The following CCDC178 variants were observed in gnomAD, a reference collection of about 807,000 sequenced individuals.
The protein encoded by CCDC178 is coiled-coil domain containing 178.
Under a neutral mutation model 117.4 loss-of-function variants are expected in CCDC178, and 126 were observed. That is an observed-to-expected ratio of 1.07 (90% confidence interval 0.93 to 1.24). The LOEUF is 1.24. Ranked by LOEUF, CCDC178 falls within the 50% of genes most tolerant of loss-of-function variation. The probability of loss-of-function intolerance (pLI) is 0.00; values close to 1 mark genes in which losing one functional copy is unlikely to be tolerated. For missense variants in CCDC178, 1,030 were observed against 986.9 expected, an observed-to-expected ratio of 1.04 and a Z score of -0.59; for synonymous variants, 283 against 313.4, an observed-to-expected ratio of 0.90 and a Z score of 1.02.
At chr18:33,413,896 G>C (rs990567651) in intron 2 of CCDC178, among the ~76,000 whole-genome samples, 1 of 152,168 alleles carries the variant, frequency 6.6e-6, no homozygotes, top group African/African-American at 2.4e-5. Flanking sequence ...TAAAATCTAT[G>C]AGAAGACTGC....
chr18:33,275,160 T>A (rs1416492152), intron 12 of CCDC178, among the ~76,000 whole-genome samples: 1 of 151,978 alleles, frequency 6.6e-6, no homozygotes, highest in Non-Finnish European at 1.5e-5. Context: ...TAATGTAACC[T>A]TTTTTTACCC....
Position 33,229,171 on chromosome 18 carries a change from C to T in CCDC178, c.1594-2316G>A, listed in dbSNP as rs118113323. On this transcript the variant is annotated intron_variant, in intron 15 of 22. Coordinates refer to ENST00000383096, the MANE Select transcript of CCDC178 (RefSeq NM_001105528.4). ...TGGACAGAAACATAGGCTGAGCTGCCATAGACTCCCAACAACAACCTCGAT... is the reference window on the plus strand; with the variant it reads ...TGGACAGAAACATAGGCTGAGCTGCTATAGACTCCCAACAACAACCTCGAT... Among the ~76,000 whole-genome samples the T allele has an allele frequency of 3.8e-3, 578 of 152,242 alleles. 2 individuals are homozygous for T. Among genetic ancestry groups the T allele is most frequent in the South Asian group, 6.6e-3 (32 of 4,822 alleles).
chr18:33,089,247 TTTAA>T (rs1007646569), intron 21 of CCDC178, among the ~76,000 whole-genome samples: 7 of 152,112 alleles, frequency 4.6e-5, no homozygotes, highest in African/African-American at 7.2e-5. Context: ...TATAGGACTG[TTTAA>T]TTAATGCTAT....
At chr18:33,401,078 T>C (rs1204047341) in intron 3 of CCDC178, among the ~76,000 whole-genome samples, 2 of 152,220 alleles carry the variant, frequency 1.3e-5, no homozygotes, top group African/African-American at 2.4e-5. Context: ...ACATGCAACA[T>C]TGATCGATTA....
intron 14 of CCDC178, among the ~76,000 whole-genome samples, chr18:33,252,804 C>T (rs896459886): frequency 6.6e-6 from 1 of 151,678 alleles, no homozygotes; most frequent in Non-Finnish European, 1.5e-5. Flanking sequence ...TTACCAACCC[C>T]ATCTTTGGCT....
intron 21 of CCDC178, among the ~76,000 whole-genome samples, chr18:32,995,902 AT>A (rs1045023272): frequency 3.8e-5 from 3 of 79,562 alleles, no homozygotes; most frequent in African/African-American, 1.2e-4. Context: ...TGATCCTACA[AT>A]TTTATCTATA....
At chr18:33,415,452 C>T (rs955723835) in intron 2 of CCDC178, among the ~76,000 whole-genome samples, 1 of 141,086 alleles carries the variant, frequency 7.1e-6, no homozygotes, top group Non-Finnish European at 1.5e-5. Context: ...ATCGCAAGGA[C>T]AAAAAAACAA....
At chr18:33,357,963 A>G (rs1343167358) in intron 6 of CCDC178, among the ~76,000 whole-genome samples, 1 of 119,358 alleles carries the variant, frequency 8.4e-6, no homozygotes, top group Non-Finnish European at 1.6e-5. Flanking sequence ...TGCGAACATC[A>G]TAAGAGTATA....
At chr18:33,244,561 C>G (rs537926340) in intron 15 of CCDC178, among the ~76,000 whole-genome samples, 1 of 151,976 alleles carries the variant, frequency 6.6e-6, no homozygotes, top group South Asian at 2.1e-4. Context: ...GGCTCTCTTT[C>G]CTGCCACCCT....
chr18:33,187,399 G>A (rs1406567348), intron 20 of CCDC178, among the ~76,000 whole-genome samples: 1 of 151,980 alleles, frequency 6.6e-6, no homozygotes, highest in Non-Finnish European at 1.5e-5. Context: ...CTCTCCTGAC[G>A]AAGGAAGTTA....
intron 11 of CCDC178, among the ~76,000 whole-genome samples, chr18:33,303,678 TAAA>T (rs1555680881): frequency 3.4e-5 from 5 of 148,620 alleles, no homozygotes; most frequent in Non-Finnish European, 7.4e-5. Flanking sequence ...GTCTAGTTTT[TAAA>T]AAAAAAAAAA....
intron 21 of CCDC178, among the ~76,000 whole-genome samples, chr18:33,067,732 A>G (rs2057041790): frequency 6.6e-6 from 1 of 152,040 alleles, no homozygotes; most frequent in South Asian, 2.1e-4. Context: ...AATCCCAGCT[A>G]CATAGGAGGC....
chr18:33,139,494 C>G (rs190308006), intron 20 of CCDC178, among the ~76,000 whole-genome samples: 36 of 152,194 alleles, frequency 2.4e-4, no homozygotes, highest in Non-Finnish European at 4.0e-4. Flanking sequence ...GAGGTGGTCT[C>G]AGGTGGAGAT....
At chr18:33,081,267 T>C (rs1156627364) in intron 21 of CCDC178, among the ~76,000 whole-genome samples, 2 of 152,222 alleles carry the variant, frequency 1.3e-5, no homozygotes, top group African/African-American at 4.8e-5. Context: ...CATGAAGTCA[T>C]ACACAGCATT....
At chr18:33,045,638 TG>T (rs2056628670) in intron 21 of CCDC178, among the ~76,000 whole-genome samples, 1 of 152,214 alleles carries the variant, frequency 6.6e-6, no homozygotes, top group Non-Finnish European at 1.5e-5. Flanking sequence ...ATAAAGCAAT[TG>T]TATAATAACT....
chr18:33,242,203 G>T lies in CCDC178; in HGVS notation c.1593+3042C>A, dbSNP rs183285413. On this transcript the variant is annotated intron_variant, in intron 15 of 22. Transcript: ENST00000383096. ...TCAATAAATGGTGCTAGGAAAACTG[G>T]ATATCCACCTGCAGAAGAATGAAAC... is the stretch of plus-strand genomic sequence containing the variant. Among the ~76,000 whole-genome samples, 433 of 151,880 alleles carry T rather than the reference G, an allele frequency of 2.9e-3. 2 individuals are homozygous for T. The highest frequency in any genetic ancestry group is 4.5e-3 in the Non-Finnish European group (304 of 67,834).
intron 3 of CCDC178, among the ~76,000 whole-genome samples, chr18:33,406,781 C>T (rs572305428): frequency 2.0e-5 from 3 of 152,074 alleles, no homozygotes; most frequent in South Asian, 4.2e-4. Context: ...AAAGGAGAGG[C>T]CCCCAAAGAA....
chr18:33,195,318 G>A (rs1355015081), intron 20 of CCDC178, among the ~76,000 whole-genome samples: 1 of 151,814 alleles, frequency 6.6e-6, no homozygotes, highest in Non-Finnish European at 1.5e-5. Flanking sequence ...CAACCTCTAG[G>A]GTTTCATGGC....
rs182209974 is a variant in CCDC178 at position 32,997,422 on chromosome 18, T to C, written c.2389-22741A>G. Among the ~76,000 whole-genome samples the C allele has an allele frequency of 1.4e-3, 209 of 152,282 alleles. 1 individual carries two copies. Among genetic ancestry groups the C allele is most frequent in the African/African-American group, 4.8e-3 (199 of 41,558 alleles). ...GACTGATGTTCTCCACCAACCACTA[T>C]GAAAGGGAGGGAATTCTGCCAGCAG... On this transcript the variant is annotated intron_variant, in intron 21 of 22. Transcript: ENST00000383096.
Sources: gnomAD v4.1 joint callset for allele counts (sites outside exome capture counted in the v4.1 genomes callset) on GRCh38, gnomAD v4.1.1 for gene constraint, MANE v1.5 for transcripts, NCBI Gene and HGNC (gene_info 2026-07-23, HGNC 2026-07-21) for gene names.